The following SYNE2 variants were observed in gnomAD, a reference collection of about 807,000 sequenced individuals.
SYNE2 encodes nesprin-2.
In SYNE2, 431 loss-of-function variants were observed where a neutral mutation model predicts 856.3. That is an observed-to-expected ratio of 0.50 (90% CI 0.47 to 0.55). The LOEUF (loss-of-function observed/expected upper bound fraction) is 0.55. Ranked by LOEUF, SYNE2 falls within the 20% of genes least tolerant of loss-of-function variation. The pLI, the probability that SYNE2 is intolerant of heterozygous loss-of-function variation, is 0.00. For synonymous variants in SYNE2, 2,923 were observed against 2,872.3 expected (o/e 1.02, Z -0.56); for missense variants, 8,129 against 8,023.2 (o/e 1.01, Z -0.50).
At chr14:64,205,947 C>G (rs1398186290) in intron 100 of SYNE2, among the ~76,000 whole-genome samples, 4 of 152,096 alleles carry the variant, frequency 2.6e-5, no homozygotes, top group Non-Finnish European at 5.9e-5. Context: ...CTGAACCATC[C>G]CAATACCATC....
At chr14:63,956,224 A>G (rs1566904632) in intron 8 of SYNE2, among the ~76,000 whole-genome samples, 1 of 152,238 alleles carries the variant, frequency 6.6e-6, no homozygotes, top group Non-Finnish European at 1.5e-5. Context: ...ACAGAATTAG[A>G]AAAAGATGTG....
chr14:63,799,264 A>G (rs903737026), intron 1 of SYNE2, among the ~76,000 whole-genome samples: 1 of 152,100 alleles, frequency 6.6e-6, no homozygotes, highest in Non-Finnish European at 1.5e-5. Context: ...TTTTTAGTAG[A>G]GACGGGGTTT....
intron 1 of SYNE2, among the ~76,000 whole-genome samples, chr14:63,874,674 A>G (rs1706219713): frequency 1.3e-5 from 2 of 152,196 alleles, no homozygotes; most frequent in Admixed American, 1.3e-4. Flanking sequence ...TTTAAGAAAC[A>G]AAAACTAATG....
chr14:63,842,117 A>C (rs1000301054), intron 1 of SYNE2, among the ~76,000 whole-genome samples: 3 of 147,150 alleles, frequency 2.0e-5, no homozygotes, highest in African/African-American at 7.6e-5. Context: ...TACAGGCGTA[A>C]GCACCGCGCC....
chr14:64,042,089 CAA>C (rs1475202976), intron 45 of SYNE2, among the ~76,000 whole-genome samples: 1 of 152,048 alleles, frequency 6.6e-6, no homozygotes, highest in Non-Finnish European at 1.5e-5. Context: ...AAGTTGGAAA[CAA>C]TATTGTTTTC....
At chr14:64,025,516 A>G (rs1009193769) in intron 41 of SYNE2, 95 bp downstream of exon 41, 11 of 1,235,384 alleles carry the variant, frequency 8.9e-6, no homozygotes, top group Non-Finnish European at 1.3e-5. Flanking sequence ...CTTAATGGAA[A>G]ATCAGATCAC....
At position 64,162,055 on chromosome 14, in the gene SYNE2, T is replaced by A. The variant is rs2098334125; in HGVS notation, c.16095-17T>A. The A allele has an allele frequency of 6.2e-7, 1 of 1,614,006 alleles. No homozygotes were observed. The highest frequency in any genetic ancestry group is 8.5e-7 in the Non-Finnish European group (1 of 1,180,002). ...AAGGAGAGAATGAGGGTTATGTTAT[T>A]TGCGTTGCACTGACAGGTGGACTCA... On this transcript the variant is annotated splice_polypyrimidine_tract_variant and intron_variant, in intron 87 of 115. Coordinates refer to ENST00000555002, the MANE Select transcript of SYNE2 (RefSeq NM_182914.3).
chr14:64,145,557 G>A (rs910589779), intron 83 of SYNE2, among the ~76,000 whole-genome samples: 1 of 150,508 alleles, frequency 6.6e-6, no homozygotes, highest in Admixed American at 6.6e-5. Context: ...TATAATGTAT[G>A]TAAAAAAGAA....
In SYNE2 at chr14:64,062,623, C is replaced by G. The variant is rs777341995; in HGVS notation, c.10068-128C>G. The G allele has an allele frequency of 6.5e-6, 6 of 917,336 alleles. No individual in the cohort carries two copies. In the South Asian group the frequency reaches 9.3e-5, roughly 14 times the overall value. The allele number at this position is 917,336 out of a possible 1,614,324, so 56.8% of individuals were successfully genotyped here. A position where few individuals can be genotyped will look rare whatever the true frequency, so the allele number is the denominator to read the frequency against. ...TGGAAAACATTTTAAAATGCATTGCCTAGCAAAAACGAAAGTTGTCATATC... is the reference window on the plus strand; with the variant it reads ...TGGAAAACATTTTAAAATGCATTGCGTAGCAAAAACGAAAGTTGTCATATC... On this transcript the variant is annotated intron_variant, in intron 49 of 115. Transcript: ENST00000555002.
At chr14:63,843,433 A>T (rs1168897167) in intron 1 of SYNE2, among the ~76,000 whole-genome samples, 1 of 152,200 alleles carries the variant, frequency 6.6e-6, no homozygotes, top group Non-Finnish European at 1.5e-5. Flanking sequence ...TATTCTCATA[A>T]TATCAGTAGA....
At chr14:64,202,003 C>A (rs527322020) in intron 99 of SYNE2, among the ~76,000 whole-genome samples, 1 of 152,304 alleles carries the variant, frequency 6.6e-6, no homozygotes, top group Admixed American at 6.5e-5. Context: ...TTTCCCCCAA[C>A]AGCTACATCA....
chr14:64,166,119 T>C (rs2098377100), intron 90 of SYNE2, among the ~76,000 whole-genome samples: 3 of 152,222 alleles, frequency 2.0e-5, no homozygotes, highest in South Asian at 2.1e-4. Flanking sequence ...CTTGTAACTC[T>C]CCTAGGAATC....
At chr14:63,950,135 T>G (rs982665986) in intron 7 of SYNE2, 129 bp downstream of exon 7, 2 of 1,084,582 alleles carry the variant, frequency 1.8e-6, no homozygotes, top group Admixed American at 3.7e-5. Context: ...CTGTGCTTCT[T>G]CCATACGTGG....
chr14:63,914,098 A>G (rs1595602099), intron 2 of SYNE2, among the ~76,000 whole-genome samples: 1 of 152,242 alleles, frequency 6.6e-6, no homozygotes, highest in African/African-American at 2.4e-5. Context: ...TGGCAAAGTA[A>G]TAGGTGCTTC....
intron 45 of SYNE2, among the ~76,000 whole-genome samples, chr14:64,045,505 C>A (rs994934268): frequency 6.6e-6 from 1 of 152,140 alleles, no homozygotes; most frequent in Non-Finnish European, 1.5e-5. Flanking sequence ...AGCTATCTAG[C>A]TCATAGGACT....
rs750671707 is a variant in SYNE2, at chr14:64,202,141, T to G, written c.18039-660T>G. On this transcript the variant is annotated intron_variant, in intron 99 of 115. Transcript: ENST00000555002. The stretch of plus-strand genomic sequence containing the variant: ...GCAGACTGGCGAGGGAGATCACATT[T>G]AGAACTGCGCTTGCGTGCAGATTTC... The G allele has an allele frequency of 1.6e-5, 11 of 701,236 alleles. No homozygotes were observed. The South Asian group carries it at 1.6e-4, about 10-fold the overall frequency. 43.4% of individuals were successfully genotyped at this position (701,236 alleles called of 1,614,324 possible). A position where few individuals can be genotyped will look rare whatever the true frequency, so the allele number is the denominator to read the frequency against.
chr14:64,082,913 A>G (rs2097535033), intron 57 of SYNE2, among the ~76,000 whole-genome samples: 1 of 152,102 alleles, frequency 6.6e-6, no homozygotes, highest in East Asian at 1.9e-4. Context: ...GTGTTTTCCC[A>G]CTTGAGGCCT....
intron 114 of SYNE2, 39 bp from the exon 115 acceptor site, chr14:64,224,960 T>TGTC (rs774977532): frequency 6.2e-7 from 1 of 1,602,770 alleles, no homozygotes; most frequent in African/African-American, 1.3e-5. Context: ...AGGACTAAAC[T>TGTC]GTCTTCAACT....
rs771467045 is a variant in SYNE2 at position 64,128,424 on chromosome 14, T to G, written c.13918-28T>G. ...AAGATAATGAAGGCCTAAATGAGAT[T>G]GCTCAGTTTCCGACATTTATCTTAC... On this transcript the variant is annotated intron_variant, in intron 73 of 115. Transcript: ENST00000555002. The G allele has an allele frequency of 6.2e-5, 76 of 1,232,852 alleles. 1 individual carries two copies. The highest frequency in any genetic ancestry group is 8.8e-5 in the Non-Finnish European group (73 of 832,932). The allele number at this position is 1,232,852 out of a possible 1,614,324, so 76.4% of individuals were successfully genotyped here.
Sources: allele counts gnomAD v4.1 joint callset (sites outside exome capture counted in the v4.1 genomes callset), GRCh38; gene constraint gnomAD v4.1.1; transcripts MANE v1.5; gene names NCBI Gene and HGNC (gene_info 2026-07-23, HGNC 2026-07-21).